SYNE1: variants seen among roughly 807,000 people sequenced by gnomAD.
SYNE1 encodes the protein spectrin repeat containing nuclear envelope protein 1.
In SYNE1, 616 loss-of-function variants were observed where a neutral mutation model predicts 1,111.0. The observed-to-expected ratio is 0.55, with a 90% CI of 0.52 to 0.59. The LOEUF (loss-of-function observed/expected upper bound fraction) is 0.59, where lower values mean the gene tolerates loss of function less well. Ranked by LOEUF, SYNE1 falls within the 20% of genes least tolerant of loss-of-function variation. SYNE1 has a pLI of 0.00. For missense variants in SYNE1, 10,006 were observed against 10,417.0 expected, an observed-to-expected ratio of 0.96 and a Z score of 1.72; for synonymous variants, 3,855 against 3,825.8, an observed-to-expected ratio of 1.01 and a Z score of -0.28.
chr6:152,211,616 C>T (rs1250163044), intron 123 of SYNE1, 28 bp from the exon 124 acceptor site: 2 of 1,578,636 alleles, frequency 1.3e-6, no homozygotes, highest in South Asian at 2.2e-5. Flanking sequence ...GAAGAACATA[C>T]TTTAGAGTTC....
chr6:152,222,716 C>T (rs1562293734), intron 117 of SYNE1, among the ~76,000 whole-genome samples: 2 of 152,016 alleles, frequency 1.3e-5, no homozygotes, highest in Non-Finnish European at 2.9e-5. Context: ...TGGTAGTTAC[C>T]AGGGCATGGG....
intron 42 of SYNE1, among the ~76,000 whole-genome samples, chr6:152,411,475 T>C (rs999852432): frequency 6.6e-6 from 1 of 152,150 alleles, no homozygotes; most frequent in Non-Finnish European, 1.5e-5. Flanking sequence ...TGTCAATTTC[T>C]ACAAAAAGTC....
At chr6:152,177,304 A>G (rs1428172904) in intron 129 of SYNE1, among the ~76,000 whole-genome samples, 1 of 152,160 alleles carries the variant, frequency 6.6e-6, no homozygotes, top group African/African-American at 2.4e-5. Flanking sequence ...GATTTAACTG[A>G]CGATGAAAGG....
At chr6:152,443,260 A>G (rs2098548872) in intron 30 of SYNE1, among the ~76,000 whole-genome samples, 1 of 152,090 alleles carries the variant, frequency 6.6e-6, no homozygotes, top group African/African-American at 2.4e-5. Context: ...CCAAATATTA[A>G]TTTTTTATAC....
rs1264723962 is a variant in SYNE1, at chr6:152,453,609, G to A, written c.3004C>T (p.Arg1002Ter). Reference sequence around the variant, plus strand: ...ACCTTCCATTGTTTGTGGAGCTTTCGAACAGCTTCCTGCAGCCCCTGCTGC... The same window carrying A: ...ACCTTCCATTGTTTGTGGAGCTTTCAAACAGCTTCCTGCAGCCCCTGCTGC... ...QEQQGLQEAVRKLHKQWKDLQ... is the reference protein window; with the variant it reads ...QEQQGLQEAV Residue 1002 changes from arginine (R) to a stop codon, truncating the protein, a stop_gained, in exon 25 of 146, where the codon CGA (arginine) becomes TGA (stop). Transcript: ENST00000367255. LOFTEE classifies it high-confidence loss of function. 3.7e-6 allele frequency: 6 copies of A among 1,614,018 alleles called. No homozygotes were observed. Among genetic ancestry groups the A allele is most frequent in the East Asian group, 2.2e-5 (1 of 44,894 alleles).
intron 15 of SYNE1, 77 bp from the exon 16 acceptor site, chr6:152,471,842 T>A (rs2098807389): frequency 2.1e-6 from 3 of 1,448,056 alleles, no homozygotes; most frequent in Non-Finnish European, 2.9e-6. Context: ...CTGTTACATG[T>A]CAGCCTTAAA....
At chr6:152,507,462 G>A (rs2099063631) in intron 8 of SYNE1, among the ~76,000 whole-genome samples, 1 of 151,792 alleles carries the variant, frequency 6.6e-6, no homozygotes, top group African/African-American at 2.4e-5. Flanking sequence ...AATATATGTA[G>A]GTATGCACAC....
intron 69 of SYNE1, among the ~76,000 whole-genome samples, chr6:152,352,680 A>G (rs969415591): frequency 3.3e-5 from 5 of 152,194 alleles, no homozygotes; most frequent in African/African-American, 9.7e-5. Flanking sequence ...CTGGGATTAC[A>G]GGTGTGAGCC....
intron 70 of SYNE1, among the ~76,000 whole-genome samples, chr6:152,351,764 A>T (rs1164012599): frequency 6.6e-6 from 1 of 152,244 alleles, no homozygotes; most frequent in African/African-American, 2.4e-5. Context: ...AAAGGTCTTC[A>T]TTGATTGACA....
chr6:152,626,576 T>C (rs1323468907), intron 3 of SYNE1, among the ~76,000 whole-genome samples: 2 of 152,164 alleles, frequency 1.3e-5, no homozygotes, highest in African/African-American at 4.8e-5. Context: ...CAGAGAAATT[T>C]TCAGCCCATG....
intron 51 of SYNE1, 28 bp from the exon 52 acceptor site, chr6:152,391,596 A>AAAAAAG (rs2097638132): frequency 5.9e-6 from 9 of 1,525,360 alleles, no homozygotes; most frequent in Admixed American, 1.9e-5. Context: ...AAAAAAAAAG[A>AAAAAAG]AAAAAAATTA....
chr6:152,409,181 C>G lies in SYNE1; in HGVS notation c.6427G>C (p.Asp2143His). 1 of 1,614,068 alleles carries G rather than the reference C, an allele frequency of 6.2e-7. No homozygotes were observed. The highest frequency in any genetic ancestry group is 8.5e-7 in the Non-Finnish European group (1 of 1,179,996). Residue 2143 changes from aspartate to histidine, a missense_variant, in exon 44 of 146, where the codon GAT becomes CAT. Around this residue, in one of 7 missense-constraint regions of SYNE1, gnomAD observed 4,955 missense variants for 5,017.2 expected, o/e 0.99. Coordinates refer to ENST00000367255, the MANE Select transcript of SYNE1 (RefSeq NM_182961.4). ...NKMNYKQKDLDNFTSKGKHLL... is the reference protein window; with the variant it reads ...NKMNYKQKDLHNFTSKGKHLL... ...TGTTTTCCTTTGCTGGTAAAGTTAT[C>G]CAAGTCTTTCTGTTTGTAATTCATT...
At chr6:152,336,695 C>T in intron 76 of SYNE1, 146 bp downstream of exon 76, 1 of 1,058,762 alleles carries the variant, frequency 9.4e-7, no homozygotes. Context: ...TAACCTGGGG[C>T]TTGGGGACCT....
intron 5 of SYNE1, among the ~76,000 whole-genome samples, chr6:152,521,443 T>G (rs2099138994): frequency 6.6e-6 from 1 of 152,218 alleles, no homozygotes; most frequent in African/African-American, 2.4e-5. Flanking sequence ...CTAAAATGGT[T>G]GTACTACTTT....
intron 24 of SYNE1, 79 bp from the exon 25 acceptor site, chr6:152,453,799 C>G (rs1475819240): frequency 6.3e-7 from 1 of 1,581,660 alleles, no homozygotes; most frequent in Non-Finnish European, 8.7e-7. Context: ...CTCTAAGCCT[C>G]CAAACAAGCC....
intron 34 of SYNE1, among the ~76,000 whole-genome samples, chr6:152,432,198 G>A (rs1421107194): frequency 1.3e-5 from 2 of 152,140 alleles, no homozygotes; most frequent in Non-Finnish European, 2.9e-5. Flanking sequence ...GAAATGGCAT[G>A]TAATAATGAA....
intron 59 of SYNE1, among the ~76,000 whole-genome samples, chr6:152,369,982 CAAAAAAA>C (rs778013525): frequency 2.4e-4 from 12 of 49,986 alleles, no homozygotes; most frequent in Admixed American, 7.2e-4. Context: ...GACTCTGTCT[CAAAAAAA>C]AAAAAAAAAA....
intron 55 of SYNE1, among the ~76,000 whole-genome samples, chr6:152,384,734 C>G (rs1168891119): frequency 6.6e-6 from 1 of 152,008 alleles, no homozygotes; most frequent in Non-Finnish European, 1.5e-5. Context: ...CAAAAGTTAG[C>G]CAGACGTGGT....
chr6:152,485,084 GT>G (rs750290232), intron 12 of SYNE1, 112 bp from the exon 13 acceptor site: 13 of 1,205,002 alleles, frequency 1.1e-5, no homozygotes, highest in East Asian at 1.0e-4. Context: ...CTCAATATAT[GT>G]TGTTGATAAT....
Sources: gnomAD v4.1 joint callset for allele counts (sites outside exome capture counted in the v4.1 genomes callset) on GRCh38, gnomAD v4.1.1 for gene constraint, gnomAD v4.1.1 regional missense constraint, MANE v1.5 for transcripts, NCBI Gene and HGNC (gene_info 2026-07-23, HGNC 2026-07-21) for gene names.